The following KCND2 variants were observed in gnomAD, a reference collection of about 807,000 sequenced individuals.
KCND2 encodes potassium voltage-gated channel subfamily D member 2.
In KCND2, 16 loss-of-function variants were observed where a neutral mutation model predicts 54.4. The observed-to-expected ratio is 0.29, with a 90% CI of 0.20 to 0.45. The LOEUF is 0.45. Ranked by LOEUF, KCND2 falls within the 20% of genes least tolerant of loss-of-function variation. The pLI, the probability that KCND2 is intolerant of heterozygous loss-of-function variation, is 1.00. For missense variants in KCND2, 486 were observed against 824.2 expected (o/e 0.59, Z 5.02); for synonymous variants, 317 against 310.7 (o/e 1.02, Z -0.21).
chr7:120,737,984 G>A (rs1792895536), intron 2 of KCND2, among the ~76,000 whole-genome samples: 1 of 151,964 alleles, frequency 6.6e-6, no homozygotes, highest in African/African-American at 2.4e-5. Context: ...CAATGTCTCA[G>A]TGGTGTTTGG....
intron 1 of KCND2, among the ~76,000 whole-genome samples, chr7:120,382,287 C>T (rs1202956616): frequency 6.6e-6 from 1 of 151,754 alleles, no homozygotes; most frequent in Non-Finnish European, 1.5e-5. Context: ...GAATAGGACA[C>T]GTAAGAGCAC....
chr7:120,304,460 C>T (rs1799623205), intron 1 of KCND2, among the ~76,000 whole-genome samples: 1 of 152,084 alleles, frequency 6.6e-6, no homozygotes, highest in South Asian at 2.1e-4. Context: ...CAATGTGTGG[C>T]CTCCATGCCG....
chr7:120,429,385 T>A (rs1002284155), intron 1 of KCND2, among the ~76,000 whole-genome samples: 21 of 152,186 alleles, frequency 1.4e-4, no homozygotes, highest in African/African-American at 5.1e-4. Flanking sequence ...TTACTAATTG[T>A]ATTAAATGTC....
intron 4 of KCND2, 83 bp from the exon 5 acceptor site, chr7:120,745,697 T>C (rs1792997232): frequency 2.0e-5 from 29 of 1,436,450 alleles, no homozygotes; most frequent in Non-Finnish European, 2.7e-5. Context: ...TTGGGCAGAT[T>C]TGAGCTTTAA....
chr7:120,384,202 G>A (rs916153484), intron 1 of KCND2, among the ~76,000 whole-genome samples: 2 of 151,568 alleles, frequency 1.3e-5, no homozygotes, highest in African/African-American at 4.8e-5. Context: ...TATTTTCATT[G>A]TTTTTTTCCC....
At chr7:120,347,348 A>G (rs1800334804) in intron 1 of KCND2, among the ~76,000 whole-genome samples, 1 of 152,206 alleles carries the variant, frequency 6.6e-6, no homozygotes, top group Non-Finnish European at 1.5e-5. Context: ...ATTCTAACCC[A>G]GCTCTTAAAC....
intron 1 of KCND2, among the ~76,000 whole-genome samples, chr7:120,506,108 G>A (rs1479899606): frequency 6.6e-6 from 1 of 151,642 alleles, no homozygotes; most frequent in East Asian, 1.9e-4. Context: ...AGAGGGAGGT[G>A]CAAGCTGTGA....
intron 1 of KCND2, among the ~76,000 whole-genome samples, chr7:120,592,913 C>A (rs1325529745): frequency 1.3e-5 from 2 of 152,062 alleles, no homozygotes; most frequent in African/African-American, 4.8e-5. Context: ...ATTTTAATAT[C>A]TGGTGGGATG....
chr7:120,341,972 G>A (rs1800245987), intron 1 of KCND2, among the ~76,000 whole-genome samples: 1 of 152,086 alleles, frequency 6.6e-6, no homozygotes, highest in African/African-American at 2.4e-5. Flanking sequence ...AAGTGGCCGT[G>A]TGTCAATGTG....
chr7:120,451,994 C>T lies in KCND2; in HGVS notation c.1115+176247C>T, dbSNP rs1248585795. On this transcript the variant is annotated intron_variant, in intron 1 of 5. Transcript: ENST00000331113. ...TAATTATTCAAACTACAACAGAAATCGATAACACATTTTTAATGAAAAAAT... is the reference window on the plus strand; with the variant it reads ...TAATTATTCAAACTACAACAGAAATTGATAACACATTTTTAATGAAAAAAT... 9.9e-5 allele frequency among the ~76,000 whole-genome samples: 15 copies of T among 152,130 alleles called. No individual in the cohort carries two copies. In the East Asian group the frequency reaches 1.5e-3, roughly 16 times the overall value.
chr7:120,456,005 C>T (rs1802194770), intron 1 of KCND2, among the ~76,000 whole-genome samples: 1 of 152,028 alleles, frequency 6.6e-6, no homozygotes, highest in Non-Finnish European at 1.5e-5. Context: ...GGTCTGTACA[C>T]TTATGGGAAA....
At chr7:120,587,046 G>T (rs1367964126) in intron 1 of KCND2, among the ~76,000 whole-genome samples, 1 of 152,074 alleles carries the variant, frequency 6.6e-6, no homozygotes, top group East Asian at 1.9e-4. Flanking sequence ...TTTAAATACA[G>T]AAAGGGACAT....
chr7:120,664,969 T>C (rs1482384626), intron 1 of KCND2, among the ~76,000 whole-genome samples: 2 of 152,134 alleles, frequency 1.3e-5, no homozygotes, highest in African/African-American at 4.8e-5. Flanking sequence ...AGATATAGCA[T>C]ATTGTATTTA....
chr7:120,284,709 A>G (rs1799314870), intron 1 of KCND2, among the ~76,000 whole-genome samples: 1 of 152,158 alleles, frequency 6.6e-6, no homozygotes, highest in African/African-American at 2.4e-5. Context: ...CATGAAATTT[A>G]TATAAAATTA....
At chr7:120,439,322 T>A (rs889286627) in intron 1 of KCND2, among the ~76,000 whole-genome samples, 1 of 152,058 alleles carries the variant, frequency 6.6e-6, no homozygotes, top group Non-Finnish European at 1.5e-5. Flanking sequence ...GAAATAGTGA[T>A]GTTAGGAGAA....
rs758217352 is a variant in KCND2 at position 120,372,737 on chromosome 7, G to A, written c.1115+96990G>A. ...TAATCAAAACTGTGAATAGAAATTC[G>A]TCTTTTTGTTTAACTATGAACTTCT... On this transcript the variant is annotated intron_variant, in intron 1 of 5. Transcript: ENST00000331113. Among the ~76,000 whole-genome samples the A allele has an allele frequency of 9.6e-4, 145 of 151,618 alleles. 1 individual carries two copies. Among genetic ancestry groups the A allele is most frequent in the Non-Finnish European group, 1.6e-3 (106 of 67,840 alleles).
At chr7:120,312,407 A>G (rs1311702135) in intron 1 of KCND2, among the ~76,000 whole-genome samples, 1 of 151,954 alleles carries the variant, frequency 6.6e-6, no homozygotes, top group African/African-American at 2.4e-5. Context: ...ATACCCAGTA[A>G]TGCGATTGCT....
At chr7:120,492,740 TA>T (rs1802801884) in intron 1 of KCND2, among the ~76,000 whole-genome samples, 1 of 152,110 alleles carries the variant, frequency 6.6e-6, no homozygotes, top group African/African-American at 2.4e-5. Context: ...TTAATACATC[TA>T]ACCTACCCAA....
intron 1 of KCND2, among the ~76,000 whole-genome samples, chr7:120,706,947 A>G (rs1792476340): frequency 6.6e-6 from 1 of 152,130 alleles, no homozygotes; most frequent in African/African-American, 2.4e-5. Flanking sequence ...GTCAAAATGT[A>G]TTTTGTCTAA....
Sources: allele counts gnomAD v4.1 joint callset (sites outside exome capture counted in the v4.1 genomes callset), GRCh38; gene constraint gnomAD v4.1.1; transcripts MANE v1.5; gene names NCBI Gene and HGNC (gene_info 2026-07-23, HGNC 2026-07-21).